The following SDHA variants were observed in gnomAD, a reference collection of about 807,000 sequenced individuals.
The protein encoded by SDHA is succinate dehydrogenase complex flavoprotein subunit A, also known as succinate dehydrogenase [ubiquinone] flavoprotein subunit, mitochondrial.
In SDHA, 48 loss-of-function variants were observed where a neutral mutation model predicts 78.4. The observed-to-expected ratio is 0.61, with a 90% CI of 0.49 to 0.78. The LOEUF is 0.78. SDHA is among the 30% of genes least tolerant of loss of function. The pLI is 0.00. For synonymous variants in SDHA, 326 were observed against 353.9 expected (o/e 0.92, Z 0.88); for missense variants, 680 against 892.7 (o/e 0.76, Z 3.04).
intron 14 of SDHA, among the ~76,000 whole-genome samples, chr5:255,897 C>T (rs1176935602): frequency 1.3e-5 from 2 of 152,356 alleles, no homozygotes; most frequent in East Asian, 3.9e-4. Context: ...TATTCCTTCT[C>T]TGAAATCCTT....
At chr5:218,924 C>G (rs1239612265) in intron 1 of SDHA, among the ~76,000 whole-genome samples, 1 of 152,268 alleles carries the variant, frequency 6.6e-6, no homozygotes, top group East Asian at 1.9e-4. Context: ...CGGGTGGGTG[C>G]GAGGAGTGGC....
intron 11 of SDHA, among the ~76,000 whole-genome samples, chr5:240,794 C>T (rs1736091375): frequency 2.0e-5 from 3 of 152,162 alleles, no homozygotes; most frequent in Admixed American, 1.3e-4. Context: ...CCTTCTGAGT[C>T]ACTTCACTTA....
At chr5:231,819 C>CG (rs1735421728) in intron 7 of SDHA, among the ~76,000 whole-genome samples, 1 of 151,726 alleles carries the variant, frequency 6.6e-6, no homozygotes, top group Non-Finnish European at 1.5e-5. Flanking sequence ...AAAGTTAGGA[C>CG]GCAGCCGTGA....
At chr5:234,835 T>G (rs1436571784) in intron 8 of SDHA, 1 of 425,282 alleles carries the variant, frequency 2.4e-6, no homozygotes, top group Non-Finnish European at 4.4e-6. Context: ...GACGACTGTA[T>G]TTGGCATAGA....
At chr5:234,050 G>T (rs1054362664) in intron 8 of SDHA, 24 of 251,354 alleles carry the variant, frequency 9.5e-5, no homozygotes, top group Non-Finnish European at 1.8e-4. Context: ...GCCTGACCCT[G>T]TTCTTTAATG....
the SDHA span, among the ~76,000 whole-genome samples, chr5:265,853 C>CA: frequency 7.3e-6 from 1 of 137,596 alleles, no homozygotes; most frequent in African/African-American, 3.4e-5. Context: ...AATTGCCACC[C>CA]CAATGCTGTG....
At chr5:238,054 C>CA in intron 10 of SDHA, among the ~76,000 whole-genome samples, 1 of 142,734 alleles carries the variant, frequency 7.0e-6, no homozygotes, top group East Asian at 1.9e-4. Context: ...TTTGAAAATG[C>CA]AAAAAAGAAC....
In SDHA at chr5:230,958, C is replaced by T. The variant is rs747045191; in HGVS notation, c.853C>T (p.Leu285Phe). The T allele has an allele frequency of 4.3e-6, 7 of 1,614,012 alleles. No homozygotes were observed. In the South Asian group the frequency reaches 5.5e-5, roughly 13 times the overall value. ...DGTAMITRAGLPCQDLEFVQF... is the reference protein window; with the variant it reads ...DGTAMITRAGFPCQDLEFVQF... ...CACGGCCATGATCACCAGGGCAGGC[C>T]TTCCTTGCCAGGACCTAGAGTTTGT... Residue 285 changes from leucine to phenylalanine, a missense_variant, in exon 7 of 15, where the codon CTT becomes TTT. Transcript: ENST00000264932.
At chr5:263,618 A>C in the SDHA span, among the ~76,000 whole-genome samples, 1 of 152,216 alleles carries the variant, frequency 6.6e-6, no homozygotes, top group Non-Finnish European at 1.5e-5. Context: ...ACACCATAAA[A>C]AAGCTGGTCA....
chr5:234,905 G>A (rs191328752), intron 8 of SDHA: 35 of 572,258 alleles, frequency 6.1e-5, no homozygotes, highest in Non-Finnish European at 7.9e-5. Flanking sequence ...TGAGACGAGC[G>A]TGAGTTTAGT....
chr5:248,656 G>C (rs990697528), intron 11 of SDHA, among the ~76,000 whole-genome samples: 6 of 152,146 alleles, frequency 3.9e-5, no homozygotes, highest in African/African-American at 7.2e-5. Flanking sequence ...ATTGGACCCA[G>C]TCAGAGAAAA....
chr5:232,701 T>C (rs1579400622), intron 7 of SDHA, among the ~76,000 whole-genome samples: 2 of 151,752 alleles, frequency 1.3e-5, no homozygotes, highest in South Asian at 4.1e-4. Context: ...CATTCGTTTT[T>C]TAAAAGCAAG....
downstream of SDHA, among the ~76,000 whole-genome samples, chr5:257,092 G>C (rs1379373404): frequency 6.6e-6 from 1 of 152,188 alleles, no homozygotes; most frequent in Non-Finnish European, 1.5e-5. Flanking sequence ...ACCATGCCTG[G>C]CCTTGTAGTT....
chr5:253,570 C>T (rs978949687), intron 13 of SDHA, among the ~76,000 whole-genome samples: 32 of 146,748 alleles, frequency 2.2e-4, no homozygotes, highest in African/African-American at 8.4e-4. Flanking sequence ...TCCCAAGCAG[C>T]TGGGATTACA....
chr5:263,571 C>T, the SDHA span, among the ~76,000 whole-genome samples: 36,612 of 152,084 alleles, frequency 0.24, 6,873 homozygotes, highest in African/African-American at 0.53. Context: ...CAGGAAGAAG[C>T]TTGTGGGTAG....
rs1579381882 is a variant in SDHA, at chr5:224,505, A to G, written c.296A>G (p.His99Arg). 6.2e-7 allele frequency: 1 copy of G among 1,612,732 alleles called. No individual in the cohort carries two copies. The highest frequency in any genetic ancestry group is 2.2e-5 in the East Asian group (1 of 44,890). The change falls in exon 3 of 15, where the codon CAC becomes CGC. Residue 99 changes from histidine (H) to arginine (R), a missense_variant. His to Arg is a conservative substitution (Grantham distance 29, BLOSUM62 0). Transcript: ENST00000264932. ...CVTKLFPTRS[H>R]TVAAQGGINA... ...ACCAAGCTGTTTCCTACCAGGTCACACACTGTTGCAGCACAGGTAAGAGAA... is the reference window on the plus strand; with the variant it reads ...ACCAAGCTGTTTCCTACCAGGTCACGCACTGTTGCAGCACAGGTAAGAGAA...
At position 225,986 on chromosome 5, in the gene SDHA, A is replaced by G. The variant is rs1236616384; in HGVS notation, c.560A>G (p.His187Arg). The G allele has an allele frequency of 9.9e-6, 16 of 1,614,068 alleles. No homozygotes were observed. The highest frequency in any genetic ancestry group is 2.7e-5 in the African/African-American group (2 of 74,926). Residue 187 changes from histidine (H) to arginine (R), a missense_variant, in exon 5 of 15, where the codon CAT (histidine) becomes CGT (arginine). Physicochemically the swap from His to Arg is conservative, Grantham distance 29. Transcript: ENST00000264932. Reference protein sequence around the residue: ...SLKFGKGGQAHRCCCVADRTG... With the variant: ...SLKFGKGGQARRCCCVADRTG... Reference sequence around the variant, plus strand: ...AAGTTTGGAAAGGGCGGGCAGGCCCATCGGTGCTGCTGTGTGGCTGATCGG... The same window carrying G: ...AAGTTTGGAAAGGGCGGGCAGGCCCGTCGGTGCTGCTGTGTGGCTGATCGG...
At position 228,295 on chromosome 5, in the gene SDHA, C is replaced by G. The variant is rs1276381441; in HGVS notation, c.732C>G (p.Ile244Met). The G allele has an allele frequency of 1.2e-6, 2 of 1,613,748 alleles. No individual in the cohort carries two copies. Among genetic ancestry groups the G allele is most frequent in the Non-Finnish European group, 8.5e-7 (1 of 1,179,860 alleles). The change falls in exon 6 of 15, where the codon ATC (isoleucine) becomes ATG (methionine). Residue 244 changes from isoleucine to methionine, a missense_variant. By Grantham distance (10) the Ile-to-Met change is conservative (BLOSUM62 1). Transcript: ENST00000264932. ...VIALCIEDGS[I>M]HRIRAKNTVV... ...CACTGTGCATAGAGGACGGGTCCATCCATCGCATAAGAGCAAAGAACACTG... is the reference window on the plus strand; with the variant it reads ...CACTGTGCATAGAGGACGGGTCCATGCATCGCATAAGAGCAAAGAACACTG...
chr5:219,053 G>C (rs1297671463), intron 1 of SDHA, among the ~76,000 whole-genome samples: 1 of 152,254 alleles, frequency 6.6e-6, no homozygotes, highest in Non-Finnish European at 1.5e-5. Context: ...TGTAAGTTAA[G>C]GGCTTCTACT....
Sources: gnomAD v4.1 joint callset for allele counts (sites outside exome capture counted in the v4.1 genomes callset) on GRCh38, gnomAD v4.1.1 for gene constraint, MANE v1.5 for transcripts, NCBI Gene and HGNC (gene_info 2026-07-23, HGNC 2026-07-21) for gene names.